Variants in ABCC9 observed in about 807,000 individuals in gnomAD.
The protein encoded by ABCC9 is ATP binding cassette subfamily C member 9, also known as ATP-binding cassette sub-family C member 9.
Under a neutral mutation model 188.3 loss-of-function variants are expected in ABCC9, and 95 were observed. That is an observed-to-expected ratio of 0.50 (90% CI 0.43 to 0.60). ABCC9 has a LOEUF of 0.60. ABCC9 is among the 20% of genes least tolerant of loss of function. ABCC9 has a pLI of 0.00. For synonymous variants in ABCC9, 659 were observed against 652.7 expected (o/e 1.01, Z -0.15); for missense variants, 1,102 against 1,876.3 (o/e 0.59, Z 7.62).
intron 22 of ABCC9, among the ~76,000 whole-genome samples, chr12:21,857,644 G>A (rs1406537630): frequency 6.6e-6 from 1 of 152,138 alleles, no homozygotes; most frequent in Non-Finnish European, 1.5e-5. Context: ...CTTAAAAGCA[G>A]AAAACTTTCC....
intron 30 of ABCC9, among the ~76,000 whole-genome samples, chr12:21,833,339 C>T (rs1049480915): frequency 6.6e-6 from 1 of 151,896 alleles, no homozygotes; most frequent in African/African-American, 2.4e-5. Flanking sequence ...TTGGATCCTG[C>T]AGGTACTTCC....
chr12:21,859,459 C>A (rs1945393793), intron 22 of ABCC9, 127 bp downstream of exon 22: 2 of 904,614 alleles, frequency 2.2e-6, no homozygotes, highest in Non-Finnish European at 3.7e-6. Flanking sequence ...TTTATTTCCC[C>A]TATATACTTT....
chr12:21,936,472 T>A lies in ABCC9; in HGVS notation c.142+61A>T, dbSNP rs1158021578. The A allele has an allele frequency of 2.8e-6, 4 of 1,440,068 alleles. No individual in the cohort carries two copies. In the Admixed American group the frequency reaches 7.3e-5, roughly 26 times the overall value. The allele number at this position is 1,440,068 out of a possible 1,614,324, so 89.2% of individuals were successfully genotyped here. The stretch of plus-strand genomic sequence containing the variant: ...AATTAAGTCAACATTATCCCAAATC[T>A]CAGCCATTAGCGAGATATATAAACA... On this transcript the variant is annotated intron_variant, in intron 3 of 39. Coordinates refer to ENST00000261200, the MANE Select transcript of ABCC9 (RefSeq NM_020297.4).
chr12:21,862,924 G>A (rs199782480), intron 20 of ABCC9, 29 bp downstream of exon 20: 2 of 1,423,616 alleles, frequency 1.4e-6, no homozygotes, highest in Non-Finnish European at 2.0e-6. Flanking sequence ...TTGCCATTTT[G>A]GTTCTAAATT....
intron 15 of ABCC9, among the ~76,000 whole-genome samples, chr12:21,886,368 TC>T (rs1354260845): frequency 1.3e-5 from 2 of 151,998 alleles, no homozygotes; most frequent in African/African-American, 4.8e-5. Context: ...GAGTCCTCTT[TC>T]TCCCTCATCT....
At chr12:21,829,095 A>G in intron 30 of ABCC9, 35 bp from the exon 31 acceptor site, 1 of 1,484,134 alleles carries the variant, frequency 6.7e-7, no homozygotes, top group Non-Finnish European at 9.4e-7. Flanking sequence ...TAACCACACA[A>G]CAGGAGAGGT....
chr12:21,811,648 A>G (rs900263916), intron 36 of ABCC9, among the ~76,000 whole-genome samples: 2 of 152,084 alleles, frequency 1.3e-5, no homozygotes, highest in African/African-American at 2.4e-5. Context: ...ATTCATAGCA[A>G]TTTTGGCTGA....
rs1258327618 is a variant in ABCC9 at position 21,860,957 on chromosome 12, T to A, written c.2424+14A>T. The stretch of plus-strand genomic sequence containing the variant: ...ATTTTTGTTCATTGCTTAATGAAAC[T>A]ATATATAGCTCACCCTCTCTCCAAT... On this transcript the variant is annotated intron_variant, in intron 21 of 39. Coordinates refer to ENST00000261200, the MANE Select transcript of ABCC9 (RefSeq NM_020297.4). The A allele has an allele frequency of 6.3e-7, 1 of 1,595,340 alleles. No individual in the cohort carries two copies. Among genetic ancestry groups the A allele is most frequent in the Non-Finnish European group, 8.6e-7 (1 of 1,163,602 alleles).
chr12:21,895,251 TAA>T, intron 13 of ABCC9, 22 bp downstream of exon 13: 2 of 1,604,974 alleles, frequency 1.2e-6, no homozygotes, highest in Non-Finnish European at 1.7e-6. Flanking sequence ...GTTTCATTTC[TAA>T]AAGAGAGAAA....
At chr12:21,910,778 G>A in intron 9 of ABCC9, 48 bp downstream of exon 9, 5 of 1,532,326 alleles carry the variant, frequency 3.3e-6, no homozygotes, top group Non-Finnish European at 4.5e-6. Flanking sequence ...TCACTGAATG[G>A]TATATAGCAT....
chr12:21,931,477 G>A (rs1267692480), intron 4 of ABCC9, among the ~76,000 whole-genome samples: 1 of 151,756 alleles, frequency 6.6e-6, no homozygotes, highest in African/African-American at 2.4e-5. Context: ...TATACCTAAA[G>A]AGTAGAAGAG....
Position 21,928,750 on chromosome 12 carries a change from C to T in ABCC9, c.285-2687G>A, listed in dbSNP as rs1368958692. Among the ~76,000 whole-genome samples the T allele has an allele frequency of 2.0e-5, 3 of 152,086 alleles. 1 individual carries two copies. In the East Asian group the frequency reaches 5.8e-4, roughly 29 times the overall value. ...AAGTTTTGTACTTATGGTGGCACTC[C>T]TTTATTAGGGATTTAATATGTCTTT... On this transcript the variant is annotated intron_variant, in intron 4 of 39. Transcript: ENST00000261200.
intron 30 of ABCC9, 131 bp from the exon 31 acceptor site, chr12:21,829,191 C>CTTTTTTTTTTTTTTTTT: frequency 1.3e-5 from 3 of 230,718 alleles, no homozygotes; most frequent in South Asian, 2.8e-5. Context: ...AAATAGATTT[C>CTTTTTTTTTTTTTTTTT]TTTTTTTTTT....
In ABCC9 at chr12:21,844,865, A is replaced by G. The variant is rs766308200; in HGVS notation, c.3147T>C (p.Leu1049=). Residue 1049 remains leucine (L), a synonymous_variant, in exon 27 of 40, where the codon CTT becomes CTC. Transcript: ENST00000261200. The part of the protein sequence containing the change: ...FSILCGAGIF[L]CLVTSLTVEW... ...CTACAGTGAGGGATGTAACAAGGCA[A>G]AGGAAAATGCCTGCTCCACAGAGTA... 3 of 1,613,936 alleles carry G rather than the reference A, an allele frequency of 1.9e-6. No individual in the cohort carries two copies. The highest frequency in any genetic ancestry group is 2.5e-6 in the Non-Finnish European group (3 of 1,179,862).
chr12:21,877,463 G>C (rs1946420959), intron 16 of ABCC9, among the ~76,000 whole-genome samples: 1 of 152,172 alleles, frequency 6.6e-6, no homozygotes, highest in Non-Finnish European at 1.5e-5. Flanking sequence ...AATAGAGCTA[G>C]CTGGGGCAGA....
intron 18 of ABCC9, among the ~76,000 whole-genome samples, chr12:21,868,147 T>C (rs1179904931): frequency 3.3e-5 from 5 of 152,178 alleles, no homozygotes; most frequent in Non-Finnish European, 7.3e-5. Context: ...GGGTCTACAA[T>C]ATGTCAGACT....
At chr12:21,829,448 A>G (rs574380429) in intron 30 of ABCC9, among the ~76,000 whole-genome samples, 1,770 of 152,030 alleles carry the variant, frequency 0.012, 28 homozygotes, top group South Asian at 0.087. Flanking sequence ...TGATCCGCCC[A>G]CCTTGGCCTC....
At position 21,910,947 on chromosome 12, in the gene ABCC9, A is replaced by C. The variant is rs876661339; in HGVS notation, c.1043T>G (p.Leu348Arg). Residue 348 changes from leucine (L) to arginine (R), a missense_variant, in exon 9 of 40, where the codon CTT (leucine) becomes CGT (arginine). Around this residue, in one of 12 missense-constraint regions of ABCC9, gnomAD observed 305 missense variants for 573.0 expected, o/e 0.53. Coordinates refer to ENST00000261200, the MANE Select transcript of ABCC9 (RefSeq NM_020297.4). ...ISETLSSKEFLENAYVLAVLL... is the reference protein window; with the variant it reads ...ISETLSSKEFRENAYVLAVLL... ...AACTGCTAGAACGTAAGCGTTTTCA[A>C]GAAATTCCTTTGATGAGAGGGTTTC... 5 of 1,612,332 alleles carry C rather than the reference A, an allele frequency of 3.1e-6. No individual in the cohort carries two copies. In the African/African-American group the frequency reaches 5.3e-5, roughly 17 times the overall value.
chr12:21,804,554 G>T (rs1040250245), intron 39 of ABCC9, among the ~76,000 whole-genome samples: 1 of 152,146 alleles, frequency 6.6e-6, no homozygotes, highest in Admixed American at 6.5e-5. Flanking sequence ...ACCTTAATAT[G>T]AATTGAGTTA....
Sources: gnomAD v4.1 joint callset for allele counts (sites outside exome capture counted in the v4.1 genomes callset) on GRCh38, gnomAD v4.1.1 for gene constraint, gnomAD v4.1.1 regional missense constraint, MANE v1.5 for transcripts, NCBI Gene and HGNC (gene_info 2026-07-23, HGNC 2026-07-21) for gene names.